Variants in IL1R1 observed in about 807,000 individuals in gnomAD.
The protein encoded by IL1R1 is interleukin-1 receptor type 1.
In IL1R1, 22 loss-of-function variants were observed where a neutral mutation model predicts 50.2. The ratio of observed to expected loss-of-function variants is 0.44; its 90% CI spans 0.31 to 0.63. IL1R1 has a LOEUF of 0.63. Ranked by LOEUF, IL1R1 falls within the 20% of genes least tolerant of loss-of-function variation. IL1R1 has a pLI of 0.07. For missense variants in IL1R1, 509 were observed against 676.2 expected, an observed-to-expected ratio of 0.75 and a Z score of 2.74; for synonymous variants, 251 against 236.7, an observed-to-expected ratio of 1.06 and a Z score of -0.55.
intron 7 of IL1R1, among the ~76,000 whole-genome samples, chr2:102,170,478 G>T (rs1685575625): frequency 6.6e-6 from 1 of 152,148 alleles, no homozygotes; most frequent in African/African-American, 2.4e-5. Flanking sequence ...ATTGTTTCCT[G>T]ATCATACCAA....
chr2:102,094,297 A>T (rs1679805634), intron 1 of IL1R1, among the ~76,000 whole-genome samples: 1 of 152,228 alleles, frequency 6.6e-6, no homozygotes, highest in South Asian at 2.1e-4. Flanking sequence ...GATGATCATG[A>T]TTAATACCAA....
At chr2:102,078,078 A>G (rs948820142) in intron 1 of IL1R1, among the ~76,000 whole-genome samples, 6 of 152,308 alleles carry the variant, frequency 3.9e-5, no homozygotes, top group Middle Eastern at 3.4e-3. Context: ...AGCTATACAT[A>G]GAGAAAAAAT....
At chr2:102,156,103 G>A (rs931518022) in intron 2 of IL1R1, 1 of 152,226 alleles carries the variant, frequency 6.6e-6, no homozygotes, top group Admixed American at 6.5e-5. Context: ...ACTGGTGATT[G>A]GGAAACATTT....
chr2:102,157,651 G>C (rs904627461), intron 2 of IL1R1, 68 bp from the exon 3 acceptor site: 1 of 1,009,610 alleles, frequency 9.9e-7, no homozygotes, highest in African/African-American at 1.6e-5. Flanking sequence ...GGTATATTTA[G>C]TTTTAGAGAT....
At chr2:102,114,761 A>G (rs1436866961) in intron 1 of IL1R1, among the ~76,000 whole-genome samples, 1 of 152,152 alleles carries the variant, frequency 6.6e-6, no homozygotes, top group Non-Finnish European at 1.5e-5. Flanking sequence ...GAAATATGAC[A>G]TATATCTATA....
intron 1 of IL1R1, among the ~76,000 whole-genome samples, chr2:102,120,915 C>T (rs910521280): frequency 6.6e-6 from 1 of 152,194 alleles, no homozygotes; most frequent in Admixed American, 6.5e-5. Context: ...ATGTGGTCCA[C>T]ATCCGGGTTT....
At chr2:102,144,784 A>G (rs370229890) in intron 1 of IL1R1, among the ~76,000 whole-genome samples, 1 of 152,158 alleles carries the variant, frequency 6.6e-6, no homozygotes, top group South Asian at 2.1e-4. Context: ...AGCAGCCCCA[A>G]TGGAGAGGAC....
Position 102,177,238 on chromosome 2 carries a change from C to A in IL1R1, c.*479C>A. The A allele has an allele frequency of 5.9e-6, 1 of 169,258 alleles. No homozygotes were observed. Among genetic ancestry groups the A allele is most frequent in the South Asian group, 1.3e-4 (1 of 7,496 alleles). 10.5% of individuals were successfully genotyped at this position (169,258 alleles called of 1,614,324 possible). On this transcript the variant is annotated 3_prime_UTR_variant, in exon 12 of 12. Transcript: ENST00000410023. ...CCGAGTTTGGGCCACTGCACTCTAGCCTGGCAACAGAGCAAGACTCCGTCT... is the reference window on the plus strand; with the variant it reads ...CCGAGTTTGGGCCACTGCACTCTAGACTGGCAACAGAGCAAGACTCCGTCT...
At chr2:102,088,627 T>G (rs1679531162) in intron 1 of IL1R1, among the ~76,000 whole-genome samples, 1 of 152,224 alleles carries the variant, frequency 6.6e-6, no homozygotes, top group South Asian at 2.1e-4. Flanking sequence ...AATAAGAAAG[T>G]CAGCTTGTCC....
At chr2:102,104,777 A>G (rs981506286) in exon 1 of IL1R1, 7 of 152,228 alleles carry the variant, frequency 4.6e-5, no homozygotes, top group African/African-American at 1.2e-4. Context: ...AGCAGGCTTC[A>G]TTTGGGAAAA....
intron 3 of IL1R1, among the ~76,000 whole-genome samples, chr2:102,161,786 G>A (rs1684752856): frequency 6.6e-6 from 1 of 151,962 alleles, no homozygotes; most frequent in Non-Finnish European, 1.5e-5. Flanking sequence ...AGCAACCTCT[G>A]CCTACTGGGT....
intron 3 of IL1R1, among the ~76,000 whole-genome samples, chr2:102,163,797 A>G (rs968449046): frequency 6.6e-6 from 1 of 152,048 alleles, no homozygotes; most frequent in South Asian, 2.1e-4. Context: ...GGATTTTACC[A>G]TGTTGGGTGC....
chr2:102,070,503 G>T (rs1020604118), exon 1 of IL1R1: 2 of 152,162 alleles, frequency 1.3e-5, no homozygotes, highest in African/African-American at 4.8e-5. Flanking sequence ...GACTGCCAAG[G>T]CTCCTTCTCA....
intron 2 of IL1R1, among the ~76,000 whole-genome samples, chr2:102,154,495 C>A (rs562029427): frequency 6.6e-6 from 1 of 152,294 alleles, no homozygotes; most frequent in East Asian, 1.9e-4. Context: ...ACCTGCCCCC[C>A]AACCTGGCCC....
At chr2:102,076,737 G>T (rs1288346877) in intron 1 of IL1R1, among the ~76,000 whole-genome samples, 1 of 151,904 alleles carries the variant, frequency 6.6e-6, no homozygotes, top group African/African-American at 2.4e-5. Flanking sequence ...TCTTTAGCAG[G>T]TATTGTAAGC....
At chr2:102,133,410 C>G (rs1454058939) in intron 1 of IL1R1, among the ~76,000 whole-genome samples, 3 of 152,198 alleles carry the variant, frequency 2.0e-5, no homozygotes, top group Admixed American at 6.5e-5. Flanking sequence ...TTCTCCCCAA[C>G]TCTGTGAGGC....
intron 6 of IL1R1, among the ~76,000 whole-genome samples, chr2:102,166,557 G>T (rs1474381757): frequency 6.6e-6 from 1 of 152,136 alleles, no homozygotes; most frequent in Non-Finnish European, 1.5e-5. Context: ...GCTAAAAATG[G>T]TTCTTACTGA....
intron 1 of IL1R1, among the ~76,000 whole-genome samples, chr2:102,093,808 C>T (rs1263347411): frequency 1.3e-5 from 2 of 152,222 alleles, no homozygotes; most frequent in Non-Finnish European, 2.9e-5. Context: ...GGGACCTCCG[C>T]GTGACCCTGG....
Position 102,174,061 on chromosome 2 carries a change from T to C in IL1R1, c.992-526T>C, listed in dbSNP as rs1685906373. 2.0e-5 allele frequency among the ~76,000 whole-genome samples: 3 copies of C among 152,218 alleles called. No individual in the cohort carries two copies. In the South Asian group the frequency reaches 6.2e-4, roughly 31 times the overall value. ...TTCCTGATATTTAGAGGGTACTTTC[T>C]TTTTCTTCCCTCTTTCTTCTTCTCT... On this transcript the variant is annotated intron_variant, in intron 9 of 11. Coordinates refer to ENST00000410023, the MANE Select transcript of IL1R1 (RefSeq NM_000877.4).
Sources: allele counts gnomAD v4.1 joint callset (sites outside exome capture counted in the v4.1 genomes callset), GRCh38; gene constraint gnomAD v4.1.1; transcripts MANE v1.5; gene names NCBI Gene and HGNC (gene_info 2026-07-23, HGNC 2026-07-21).